Variants in NELL1 observed in about 807,000 individuals in gnomAD.
NELL1 encodes protein kinase C-binding protein NELL1.
Under a neutral mutation model 107.4 loss-of-function variants are expected in NELL1, and 76 were observed. The observed-to-expected ratio is 0.71, with a 90% confidence interval of 0.59 to 0.86. The LOEUF is 0.86. Ranked by LOEUF, NELL1 falls within the 40% of genes least tolerant of loss-of-function variation. NELL1 has a pLI of 0.00. For synonymous variants in NELL1, 353 were observed against 341.2 expected (o/e 1.03, Z -0.38); for missense variants, 1,024 against 1,005.5 (o/e 1.02, Z -0.25).
At chr11:21,428,008 G>C (rs866763571) in intron 15 of NELL1, among the ~76,000 whole-genome samples, 11 of 152,318 alleles carry the variant, frequency 7.2e-5, no homozygotes, top group Middle Eastern at 3.4e-3. Flanking sequence ...TCAAGCAGCT[G>C]ATCCTGAAGC....
chr11:20,797,515 G>A (rs1011599444), intron 3 of NELL1, among the ~76,000 whole-genome samples: 2 of 139,476 alleles, frequency 1.4e-5, no homozygotes, highest in African/African-American at 5.3e-5. Context: ...GCAGTGAGCC[G>A]AGATCGCGGC....
intron 2 of NELL1, among the ~76,000 whole-genome samples, chr11:20,681,133 A>G (rs896556513): frequency 6.6e-6 from 1 of 152,096 alleles, no homozygotes; most frequent in Non-Finnish European, 1.5e-5. Flanking sequence ...CTTTCCTGAT[A>G]GTGTGTCTCC....
chr11:21,435,344 T>C (rs2133838528), intron 15 of NELL1, among the ~76,000 whole-genome samples: 1 of 152,272 alleles, frequency 6.6e-6, no homozygotes, highest in Admixed American at 6.5e-5. Context: ...GATTGTATTG[T>C]GTTTGTGCAC....
At chr11:21,382,557 T>A (rs1851638591) in intron 15 of NELL1, among the ~76,000 whole-genome samples, 2 of 151,914 alleles carry the variant, frequency 1.3e-5, no homozygotes, top group Non-Finnish European at 2.9e-5. Flanking sequence ...AAAAGACACC[T>A]AAGTTAAAGT....
intron 7 of NELL1, 51 bp from the exon 8 acceptor site, chr11:20,927,257 G>T (rs200893909): frequency 5.8e-6 from 9 of 1,555,078 alleles, no homozygotes; most frequent in African/African-American, 2.8e-5. Flanking sequence ...AGCTTTGTTA[G>T]GATGATGCAA....
At chr11:21,569,889 T>C (rs960685166) in intron 17 of NELL1, among the ~76,000 whole-genome samples, 1 of 151,770 alleles carries the variant, frequency 6.6e-6, no homozygotes, top group African/African-American at 2.4e-5. Flanking sequence ...TGAGACTCTT[T>C]GGTTTTTTAA....
chr11:21,068,847 G>T (rs528153812), intron 12 of NELL1, among the ~76,000 whole-genome samples: 1 of 152,262 alleles, frequency 6.6e-6, no homozygotes, highest in Admixed American at 6.5e-5. Flanking sequence ...AATCTTCAGG[G>T]CCTTGGAGAG....
intron 3 of NELL1, among the ~76,000 whole-genome samples, chr11:20,836,106 A>C (rs1352926268): frequency 1.3e-5 from 2 of 152,168 alleles, no homozygotes; most frequent in African/African-American, 4.8e-5. Context: ...ATAAGTAAAC[A>C]AACCAATTTT....
intron 8 of NELL1, among the ~76,000 whole-genome samples, chr11:20,927,922 C>T (rs1426304276): frequency 6.6e-6 from 1 of 152,126 alleles, no homozygotes; most frequent in East Asian, 1.9e-4. Context: ...TTTGTATATC[C>T]CTTCATCTGT....
chr11:21,368,764 T>C (rs1851291407), intron 14 of NELL1, among the ~76,000 whole-genome samples: 1 of 152,106 alleles, frequency 6.6e-6, no homozygotes, highest in Non-Finnish European at 1.5e-5. Flanking sequence ...GTTTATATTG[T>C]CTGGATATTA....
intron 14 of NELL1, 90 bp downstream of exon 14, chr11:21,229,544 G>T: frequency 1.3e-6 from 2 of 1,545,344 alleles, no homozygotes; most frequent in South Asian, 1.2e-5. Context: ...GTAACTCTTG[G>T]TGGAACACAG....
chr11:21,337,329 A>G (rs1417357580), intron 14 of NELL1, among the ~76,000 whole-genome samples: 2 of 152,234 alleles, frequency 1.3e-5, no homozygotes, highest in Admixed American at 6.5e-5. Context: ...TGTATTAATC[A>G]GGATAGAAAA....
intron 5 of NELL1, among the ~76,000 whole-genome samples, chr11:20,896,339 A>T (rs1849737022): frequency 6.6e-6 from 1 of 152,128 alleles, no homozygotes; most frequent in Non-Finnish European, 1.5e-5. Flanking sequence ...GCTGAGTAGT[A>T]TTTATATATA....
intron 13 of NELL1, among the ~76,000 whole-genome samples, chr11:21,220,295 A>G (rs1857722308): frequency 6.6e-6 from 1 of 152,058 alleles, no homozygotes; most frequent in African/African-American, 2.4e-5. Flanking sequence ...AGGTAGTGTG[A>G]TGTCTTCAGC....
At chr11:21,568,453 AT>A (rs919419552) in intron 17 of NELL1, among the ~76,000 whole-genome samples, 2 of 151,404 alleles carry the variant, frequency 1.3e-5, no homozygotes, top group African/African-American at 4.8e-5. Context: ...TTTGAAAAAG[AT>A]TTTTTTTCTT....
chr11:20,749,827 A>C (rs965676208), intron 2 of NELL1, among the ~76,000 whole-genome samples: 7 of 152,116 alleles, frequency 4.6e-5, no homozygotes, highest in Non-Finnish European at 8.8e-5. Context: ...ACTATTCACT[A>C]TACTTTTTGT....
intron 12 of NELL1, among the ~76,000 whole-genome samples, chr11:21,051,715 A>T (rs1281801545): frequency 6.6e-6 from 1 of 152,094 alleles, no homozygotes; most frequent in Non-Finnish European, 1.5e-5. Context: ...CTGCATGTCT[A>T]GCACCAGTGC....
At position 21,160,207 on chromosome 11, in the gene NELL1, T is replaced by C. The variant is rs369616098; in HGVS notation, c.1426+46493T>C. On this transcript the variant is annotated intron_variant, in intron 13 of 19. Coordinates refer to ENST00000357134, the MANE Select transcript of NELL1 (RefSeq NM_006157.5). ...CAAGTGAAAGCTTCAGGGGGTAATT[T>C]AAAGTATCAAAAACTGCAGCGTTGT... Among the ~76,000 whole-genome samples, 212 of 152,350 alleles carry C rather than the reference T, an allele frequency of 1.4e-3. 1 individual carries two copies. The highest frequency in any genetic ancestry group is 5.0e-3 in the African/African-American group (207 of 41,578).
intron 7 of NELL1, among the ~76,000 whole-genome samples, chr11:20,924,926 A>G (rs1365280163): frequency 6.6e-6 from 1 of 152,200 alleles, no homozygotes; most frequent in Non-Finnish European, 1.5e-5. Context: ...AAAAATTCCA[A>G]AAAGTTACAG....
Sources: allele counts gnomAD v4.1 joint callset (sites outside exome capture counted in the v4.1 genomes callset), GRCh38; gene constraint gnomAD v4.1.1; transcripts MANE v1.5; gene names NCBI Gene and HGNC (gene_info 2026-07-23, HGNC 2026-07-21).